Variants in B4GALT5 observed in about 807,000 individuals in gnomAD.
B4GALT5 encodes the protein beta-1,4-galactosyltransferase 5.
Under a neutral mutation model 45.0 loss-of-function variants are expected in B4GALT5, and 11 were observed. That is an observed-to-expected ratio of 0.24 (90% CI 0.15 to 0.40). The LOEUF is 0.40. B4GALT5 is among the 10% of genes least tolerant of loss of function. B4GALT5 has a pLI of 1.00. For missense variants in B4GALT5, 337 were observed against 500.2 expected, an observed-to-expected ratio of 0.67 and a Z score of 3.11; for synonymous variants, 185 against 182.9, an observed-to-expected ratio of 1.01 and a Z score of -0.09.
chr20:49,677,698 A>G (rs1212650936), intron 1 of B4GALT5, among the ~76,000 whole-genome samples: 1 of 152,192 alleles, frequency 6.6e-6, no homozygotes, highest in African/African-American at 2.4e-5. Context: ...CTCCCCCAAA[A>G]TTACATCTGT....
intron 1 of B4GALT5, among the ~76,000 whole-genome samples, chr20:49,705,940 A>C (rs1280512502): frequency 1.3e-5 from 2 of 151,696 alleles, no homozygotes; most frequent in African/African-American, 4.8e-5. Flanking sequence ...AGCACTTTGG[A>C]AGGCCAAGGA....
chr20:49,688,583 T>G (rs2085796480), intron 1 of B4GALT5, among the ~76,000 whole-genome samples: 1 of 152,162 alleles, frequency 6.6e-6, no homozygotes, highest in Non-Finnish European at 1.5e-5. Context: ...TCGCTACAAT[T>G]TTTTTATATA....
At position 49,633,530 on chromosome 20, in the gene B4GALT5, G is replaced by A. The variant is rs770260766; in HGVS notation, c.*2782C>T. 1.3e-5 allele frequency: 2 copies of A among 150,682 alleles called. No individual in the cohort carries two copies. The highest frequency in any genetic ancestry group is 1.5e-5 in the Non-Finnish European group (1 of 67,918). 9.3% of individuals were successfully genotyped at this position (150,682 alleles called of 1,614,324 possible). On this transcript the variant is annotated 3_prime_UTR_variant, in exon 9 of 9. Coordinates refer to ENST00000371711, the MANE Select transcript of B4GALT5 (RefSeq NM_004776.4). The stretch of plus-strand genomic sequence containing the variant: ...CTATGACATTTCCCATATGATATTC[G>A]AGGCCTGGTGGACACATGACTGACA...
chr20:49,683,910 G>A (rs572770789), intron 1 of B4GALT5, among the ~76,000 whole-genome samples: 62 of 151,874 alleles, frequency 4.1e-4, no homozygotes, highest in Non-Finnish European at 6.6e-4. Context: ...GGAGGCCGAG[G>A]TGGGTGGATC....
Position 49,677,361 on chromosome 20 carries a change from C to T in B4GALT5, c.116-20659G>A, listed in dbSNP as rs192282191. Reference sequence around the variant, plus strand: ...TCTGCACACCATCCCCAGCAAGACCCCCTGCCTCCAACTCCCCTAAAGCAG... The same window carrying T: ...TCTGCACACCATCCCCAGCAAGACCTCCTGCCTCCAACTCCCCTAAAGCAG... On this transcript the variant is annotated intron_variant, in intron 1 of 8. Transcript: ENST00000371711. 6.6e-5 allele frequency among the ~76,000 whole-genome samples: 10 copies of T among 152,258 alleles called. No individual in the cohort carries two copies. In the East Asian group the frequency reaches 1.7e-3, roughly 26 times the overall value.
At chr20:49,667,474 C>T (rs1357193656) in intron 1 of B4GALT5, among the ~76,000 whole-genome samples, 2 of 152,020 alleles carry the variant, frequency 1.3e-5, no homozygotes, top group African/African-American at 2.4e-5. Flanking sequence ...AGGATGGTCT[C>T]GATCTCCTGA....
chr20:49,677,503 T>C (rs2085743174), intron 1 of B4GALT5, among the ~76,000 whole-genome samples: 1 of 152,190 alleles, frequency 6.6e-6, no homozygotes, highest in Admixed American at 6.6e-5. Flanking sequence ...TGCAAACATT[T>C]GTTGGTAATT....
At chr20:49,664,528 C>A (rs1184930765) in intron 1 of B4GALT5, among the ~76,000 whole-genome samples, 2 of 146,396 alleles carry the variant, frequency 1.4e-5, no homozygotes, top group Non-Finnish European at 3.0e-5. Flanking sequence ...CTGATCTGGA[C>A]CAAAAAAAAG....
In B4GALT5 at chr20:49,643,922, C is replaced by CTTTTTT. The variant is rs138727530; in HGVS notation, c.365-278_365-273dup. Among the ~76,000 whole-genome samples, 21 of 52,184 alleles carry CTTTTTT rather than the reference C, an allele frequency of 4.0e-4. 1 individual carries two copies. The highest frequency in any genetic ancestry group is 6.8e-4 in the East Asian group (1 of 1,476). The allele number at this position is 52,184 out of a possible 152,430, so 34.2% of individuals were successfully genotyped here. On this transcript the variant is annotated intron_variant, in intron 3 of 8. Coordinates refer to ENST00000371711, the MANE Select transcript of B4GALT5 (RefSeq NM_004776.4). ...AACTTTAAGTAAAACAGTAGCTGAG[C>CTTTTTT]TTTTTTTTTTTTTTTTTTTTTTTTT...
At chr20:49,651,158 C>A (rs1055889136) in intron 2 of B4GALT5, among the ~76,000 whole-genome samples, 1 of 151,802 alleles carries the variant, frequency 6.6e-6, no homozygotes, top group East Asian at 1.9e-4. Flanking sequence ...CGGTGGCATG[C>A]GCCTGTAGCT....
At chr20:49,659,854 T>A in intron 1 of B4GALT5, among the ~76,000 whole-genome samples, 1 of 151,884 alleles carries the variant, frequency 6.6e-6, no homozygotes, top group East Asian at 1.9e-4. Flanking sequence ...CTTGGCTCAC[T>A]GCACCTCCAC....
intron 1 of B4GALT5, among the ~76,000 whole-genome samples, chr20:49,701,801 G>A (rs531016487): frequency 2.6e-5 from 4 of 152,268 alleles, no homozygotes; most frequent in Admixed American, 6.5e-5. Context: ...CAGGCTAGGC[G>A]TGGTGGCTCA....
intron 1 of B4GALT5, among the ~76,000 whole-genome samples, chr20:49,686,045 A>G (rs1004554661): frequency 2.6e-5 from 4 of 152,228 alleles, no homozygotes; most frequent in African/African-American, 9.7e-5. Flanking sequence ...GGAGTACTAT[A>G]AAAAAGCCAT....
intron 4 of B4GALT5, 137 bp downstream of exon 4, chr20:49,643,389 A>G (rs1310857255): frequency 1.7e-6 from 2 of 1,184,166 alleles, no homozygotes; most frequent in Non-Finnish European, 2.4e-6. Flanking sequence ...CCATTCCTCT[A>G]AAATGTTTCT....
At chr20:49,639,875 G>C (rs901784490) in intron 6 of B4GALT5, 75 bp from the exon 7 acceptor site, 30 of 1,567,970 alleles carry the variant, frequency 1.9e-5, no homozygotes, top group African/African-American at 2.7e-5. Context: ...TCTCATTTGA[G>C]GACTAAAAAC....
At chr20:49,637,001 C>T (rs370080860) in intron 8 of B4GALT5, among the ~76,000 whole-genome samples, 2 of 151,854 alleles carry the variant, frequency 1.3e-5, no homozygotes, top group Admixed American at 6.6e-5. Flanking sequence ...CCATTCGGAA[C>T]GGGAGCCTGC....
chr20:49,676,344 G>A (rs2085737348), intron 1 of B4GALT5, among the ~76,000 whole-genome samples: 1 of 152,006 alleles, frequency 6.6e-6, no homozygotes, highest in Non-Finnish European at 1.5e-5. Flanking sequence ...TTTCTTGAAG[G>A]GTCTTTTGCT....
At chr20:49,706,069 G>A (rs2085882617) in intron 1 of B4GALT5, among the ~76,000 whole-genome samples, 1 of 151,372 alleles carries the variant, frequency 6.6e-6, no homozygotes, top group African/African-American at 2.4e-5. Flanking sequence ...GCAGGTGCCT[G>A]TAATCCCAGC....
chr20:49,656,640 T>C lies in B4GALT5; in HGVS notation c.178A>G (p.Ile60Val), dbSNP rs780448503. The C allele has an allele frequency of 5.6e-6, 9 of 1,614,050 alleles. No individual in the cohort carries two copies. Among genetic ancestry groups the C allele is most frequent in the South Asian group, 3.3e-5 (3 of 91,086 alleles). ...ACCTGCTCATAAACCTGAGCACCGA[T>C]TGTTCTCACGTTGTCCCGGATCAGA... is the stretch of plus-strand genomic sequence containing the variant. ...GILIRDNVRT[I>V]GAQVYEQVLR... Residue 60 changes from isoleucine to valine, a missense_variant, in exon 2 of 9, where the codon ATC (isoleucine) becomes GTC (valine). By Grantham distance (29) the Ile-to-Val change is conservative. This residue lies in a region of B4GALT5 where 174 missense variants were observed against 207.4 expected (regional missense o/e 0.84). Transcript: ENST00000371711.
Sources: gnomAD v4.1 joint callset for allele counts (sites outside exome capture counted in the v4.1 genomes callset) on GRCh38, gnomAD v4.1.1 for gene constraint, gnomAD v4.1.1 regional missense constraint, MANE v1.5 for transcripts, NCBI Gene and HGNC (gene_info 2026-07-23, HGNC 2026-07-21) for gene names.